The following GRIA1 variants were observed in gnomAD, a reference collection of about 807,000 sequenced individuals.
GRIA1 encodes the protein glutamate receptor 1.
A neutral mutation model predicts 99.2 loss-of-function variants in GRIA1; 31 were observed. That is an observed-to-expected ratio of 0.31 (90% CI 0.23 to 0.42). The LOEUF (loss-of-function observed/expected upper bound fraction) is 0.42, where lower values mean the gene tolerates loss of function less well. Among genes scored for constraint, GRIA1 ranks in the 10% least tolerant of loss-of-function variants. The probability of loss-of-function intolerance (pLI) is 1.00; values close to 1 mark genes in which losing one functional copy is unlikely to be tolerated. For synonymous variants in GRIA1, 438 were observed against 432.4 expected (o/e 1.01, Z -0.16); for missense variants, 782 against 1,157.5 (o/e 0.68, Z 4.71).
intron 11 of GRIA1, among the ~76,000 whole-genome samples, chr5:153,753,181 C>T (rs1581598087): frequency 6.6e-6 from 1 of 152,298 alleles, no homozygotes; most frequent in Non-Finnish European, 1.5e-5. Context: ...AGACAGACCT[C>T]TAATCTACAG....
At chr5:153,504,806 C>T (rs1464003289) in intron 2 of GRIA1, among the ~76,000 whole-genome samples, 2 of 152,090 alleles carry the variant, frequency 1.3e-5, no homozygotes, top group African/African-American at 2.4e-5. Context: ...TTGAGGTTGT[C>T]GGCTGTAAAA....
intron 1 of GRIA1, chr5:153,492,138 C>A: frequency 7.0e-7 from 1 of 1,423,706 alleles, no homozygotes; most frequent in Non-Finnish European, 9.2e-7. Flanking sequence ...GGAGTTTGTG[C>A]TCTTTTGTGA....
intron 2 of GRIA1, among the ~76,000 whole-genome samples, chr5:153,629,319 G>A (rs985517044): frequency 5.3e-5 from 8 of 152,156 alleles, no homozygotes; most frequent in African/African-American, 1.9e-4. Flanking sequence ...TGCTGACTCC[G>A]GGGCCTTCAC....
At chr5:153,584,566 T>A (rs1235346484) in intron 2 of GRIA1, among the ~76,000 whole-genome samples, 1 of 152,222 alleles carries the variant, frequency 6.6e-6, no homozygotes, top group East Asian at 1.9e-4. Context: ...CTATTATTAA[T>A]CAGCTAGTTG....
chr5:153,694,329 T>C (rs1757953183), intron 8 of GRIA1, among the ~76,000 whole-genome samples: 1 of 152,194 alleles, frequency 6.6e-6, no homozygotes, highest in South Asian at 2.1e-4. Context: ...TTAAACCACA[T>C]ACCCTGAACA....
intron 2 of GRIA1, among the ~76,000 whole-genome samples, chr5:153,583,457 T>C (rs1763218553): frequency 1.3e-5 from 2 of 152,172 alleles, no homozygotes; most frequent in South Asian, 4.1e-4. Flanking sequence ...TCCTGGGTGA[T>C]CCTTGACTTG....
At chr5:153,496,325 G>T (rs1291451263) in intron 2 of GRIA1, among the ~76,000 whole-genome samples, 2 of 152,134 alleles carry the variant, frequency 1.3e-5, no homozygotes, top group Admixed American at 1.3e-4. Flanking sequence ...TAGTGTACAG[G>T]TTTCCATGAA....
intron 2 of GRIA1, among the ~76,000 whole-genome samples, chr5:153,544,336 G>A (rs955162642): frequency 2.6e-5 from 4 of 152,110 alleles, no homozygotes; most frequent in African/African-American, 9.7e-5. Context: ...ATGGGTCTGA[G>A]GGAGATATCT....
intron 14 of GRIA1, chr5:153,795,600 C>A: frequency 6.7e-7 from 1 of 1,497,136 alleles, no homozygotes; most frequent in East Asian, 2.3e-5. Flanking sequence ...GGTCAGTCAC[C>A]GGCTACAGAG....
intron 2 of GRIA1, among the ~76,000 whole-genome samples, chr5:153,548,778 T>C (rs1759843473): frequency 6.6e-6 from 1 of 152,198 alleles, no homozygotes; most frequent in Admixed American, 6.5e-5. Context: ...TATGTTGCTA[T>C]ATGTCCCTTT....
intron 2 of GRIA1, among the ~76,000 whole-genome samples, chr5:153,546,702 T>A (rs944704200): frequency 1.3e-5 from 2 of 152,194 alleles, no homozygotes; most frequent in African/African-American, 4.8e-5. Flanking sequence ...AACTCAGCTC[T>A]GCTCCCACAG....
At chr5:153,654,465 C>T (rs1307718373) in intron 4 of GRIA1, among the ~76,000 whole-genome samples, 4 of 151,960 alleles carry the variant, frequency 2.6e-5, no homozygotes, top group African/African-American at 9.7e-5. Flanking sequence ...ATAAAGGTGT[C>T]TCATTGTTGA....
chr5:153,688,294 T>C, intron 8 of GRIA1, among the ~76,000 whole-genome samples: 1 of 152,044 alleles, frequency 6.6e-6, no homozygotes, highest in Non-Finnish European at 1.5e-5. Flanking sequence ...TTCAGCAAAC[T>C]TTTGGCATGT....
chr5:153,801,813 C>T (rs1298320709), intron 14 of GRIA1, among the ~76,000 whole-genome samples: 1 of 152,022 alleles, frequency 6.6e-6, no homozygotes. Context: ...ATTATATATA[C>T]AATAACTGTC....
At chr5:153,503,317 G>A (rs1325886950) in intron 2 of GRIA1, among the ~76,000 whole-genome samples, 2 of 152,168 alleles carry the variant, frequency 1.3e-5, no homozygotes, top group East Asian at 3.9e-4. Flanking sequence ...TTGACTTGCT[G>A]TGTAACCTTG....
chr5:153,730,805 G>A (rs2149557838), intron 11 of GRIA1, among the ~76,000 whole-genome samples: 1 of 152,140 alleles, frequency 6.6e-6, no homozygotes, highest in Non-Finnish European at 1.5e-5. Context: ...GAGAAGGAAG[G>A]AACTGATGAA....
intron 2 of GRIA1, among the ~76,000 whole-genome samples, chr5:153,562,861 G>A (rs911578644): frequency 6.6e-6 from 1 of 152,132 alleles, no homozygotes; most frequent in Non-Finnish European, 1.5e-5. Flanking sequence ...ACTTTCCAAA[G>A]TATATACAAT....
At chr5:153,660,043 T>TC (rs946219228) in intron 5 of GRIA1, among the ~76,000 whole-genome samples, 16 of 152,280 alleles carry the variant, frequency 1.1e-4, no homozygotes, top group African/African-American at 3.8e-4. Context: ...GAATTCATCA[T>TC]CCCCATTTTA....
intron 2 of GRIA1, among the ~76,000 whole-genome samples, chr5:153,586,855 A>C (rs1384417348): frequency 6.6e-6 from 1 of 152,214 alleles, no homozygotes; most frequent in Non-Finnish European, 1.5e-5. Context: ...AGATGGTTTG[A>C]GGGTCAGCCG....
Sources: gnomAD v4.1 joint callset for allele counts (sites outside exome capture counted in the v4.1 genomes callset) on GRCh38, gnomAD v4.1.1 for gene constraint, MANE v1.5 for transcripts, NCBI Gene and HGNC (gene_info 2026-07-23, HGNC 2026-07-21) for gene names.